CNTNAP2: variants seen among roughly 807,000 people sequenced by gnomAD.
CNTNAP2 encodes the protein contactin associated protein 2.
CNTNAP2 carries 98 observed loss-of-function variants against 155.2 expected under a neutral mutation model. The observed-to-expected ratio is 0.63, with a 90% CI of 0.54 to 0.75. The LOEUF (loss-of-function observed/expected upper bound fraction) is 0.75, where lower values mean the gene tolerates loss of function less well. Ranked by LOEUF, CNTNAP2 falls within the 30% of genes least tolerant of loss-of-function variation. CNTNAP2 has a pLI of 0.00. For missense variants in CNTNAP2, 1,727 were observed against 1,688.1 expected (o/e 1.02, Z -0.40); for synonymous variants, 651 against 631.2 (o/e 1.03, Z -0.47).
At chr7:146,895,678 T>C (rs1319117273) in intron 3 of CNTNAP2, among the ~76,000 whole-genome samples, 1 of 152,136 alleles carries the variant, frequency 6.6e-6, no homozygotes, top group Non-Finnish European at 1.5e-5. Context: ...TGATGGCTCT[T>C]AGACAATTAC....
At chr7:147,953,667 A>G (rs1800974187) in intron 14 of CNTNAP2, among the ~76,000 whole-genome samples, 1 of 152,192 alleles carries the variant, frequency 6.6e-6, no homozygotes, top group African/African-American at 2.4e-5. Context: ...AGTAGCCTAA[A>G]GCAACAAAAA....
chr7:146,252,796 C>T (rs1157956028), intron 1 of CNTNAP2, among the ~76,000 whole-genome samples: 4 of 152,110 alleles, frequency 2.6e-5, no homozygotes, highest in African/African-American at 4.8e-5. Flanking sequence ...AAAGTGTCAA[C>T]GGGATAGACA....
intron 14 of CNTNAP2, among the ~76,000 whole-genome samples, chr7:147,936,646 T>C (rs547966963): frequency 4.6e-5 from 7 of 152,312 alleles, no homozygotes; most frequent in Admixed American, 3.9e-4. Context: ...GTTTCTCCTT[T>C]TTCTCCTCTT....
At chr7:147,316,648 A>G (rs1379441908) in intron 9 of CNTNAP2, among the ~76,000 whole-genome samples, 3 of 152,176 alleles carry the variant, frequency 2.0e-5, no homozygotes, top group Non-Finnish European at 4.4e-5. Flanking sequence ...TTTGATTCAT[A>G]TACTTTTGAA....
At chr7:147,265,088 C>T (rs920287112) in intron 8 of CNTNAP2, among the ~76,000 whole-genome samples, 11 of 152,186 alleles carry the variant, frequency 7.2e-5, no homozygotes, top group African/African-American at 9.6e-5. Context: ...TTCAGAAGGA[C>T]TCCCAGGTAA....
rs577658150 is a variant in CNTNAP2, at chr7:148,209,574, C to A, written c.3011-7714C>A. On this transcript the variant is annotated intron_variant, in intron 18 of 23. Transcript: ENST00000361727. ...CACTCTTTCCTTCACCTTTTTAATT[C>A]CTAAACATCATCAGATTCTGTCCAC... Among the ~76,000 whole-genome samples, 16 of 152,280 alleles carry A rather than the reference C, an allele frequency of 1.1e-4. No individual in the cohort carries two copies. The South Asian group carries it at 3.1e-3, about 30-fold the overall frequency.
At chr7:147,790,384 G>A (rs1797801691) in intron 13 of CNTNAP2, among the ~76,000 whole-genome samples, 1 of 152,126 alleles carries the variant, frequency 6.6e-6, no homozygotes, top group African/African-American at 2.4e-5. Flanking sequence ...CCTGCATAGA[G>A]GAACAGAGTT....
At chr7:146,346,356 C>T (rs1252477716) in intron 1 of CNTNAP2, among the ~76,000 whole-genome samples, 1 of 152,188 alleles carries the variant, frequency 6.6e-6, no homozygotes, top group Non-Finnish European at 1.5e-5. Context: ...GTCAACTGTG[C>T]ATGCAAATGA....
chr7:147,080,679 C>T (rs1800105154), intron 4 of CNTNAP2, among the ~76,000 whole-genome samples: 1 of 146,680 alleles, frequency 6.8e-6, no homozygotes, highest in Admixed American at 6.8e-5. Flanking sequence ...ATATATATAA[C>T]ATATATATCT....
At chr7:147,567,507 A>T (rs1466921165) in intron 12 of CNTNAP2, among the ~76,000 whole-genome samples, 2 of 152,196 alleles carry the variant, frequency 1.3e-5, no homozygotes, top group African/African-American at 4.8e-5. Flanking sequence ...AAGCCCCCGT[A>T]GTAATGCAGA....
chr7:147,268,532 G>C (rs1584832314), intron 8 of CNTNAP2, among the ~76,000 whole-genome samples: 1 of 152,228 alleles, frequency 6.6e-6, no homozygotes, highest in East Asian at 1.9e-4. Context: ...GTAGGGGAGG[G>C]ATCGCGTAAG....
intron 12 of CNTNAP2, among the ~76,000 whole-genome samples, chr7:147,609,270 G>A (rs1055224670): frequency 3.3e-5 from 5 of 152,136 alleles, no homozygotes; most frequent in African/African-American, 9.7e-5. Context: ...GGTGGCTCAC[G>A]CCTGTAATCC....
chr7:147,624,752 T>C (rs899634133), intron 12 of CNTNAP2, among the ~76,000 whole-genome samples: 3 of 152,190 alleles, frequency 2.0e-5, no homozygotes, highest in African/African-American at 7.2e-5. Context: ...ATCCTACTGA[T>C]GGGTATATAC....
rs559014378 is a variant in CNTNAP2 at position 146,673,857 on chromosome 7, A to G, written c.98-100414A>G. On this transcript the variant is annotated intron_variant, in intron 1 of 23. Coordinates refer to ENST00000361727, the MANE Select transcript of CNTNAP2 (RefSeq NM_014141.6). ...CCCAGCCTCCCAAAGTGCTGGGGTT[A>G]TAGGCATGAGCCATTGCACCTGCTG... Among the ~76,000 whole-genome samples the G allele has an allele frequency of 3.9e-4, 59 of 152,304 alleles. No homozygotes were observed. The South Asian group carries it at 6.6e-3, about 17-fold the overall frequency.
chr7:147,963,727 A>G (rs1028012664), intron 14 of CNTNAP2, among the ~76,000 whole-genome samples: 4 of 152,094 alleles, frequency 2.6e-5, no homozygotes, highest in Non-Finnish European at 5.9e-5. Context: ...AAGCAATGAT[A>G]AGCCAACGAT....
intron 2 of CNTNAP2, among the ~76,000 whole-genome samples, chr7:146,809,619 C>A (rs1803029163): frequency 6.6e-6 from 1 of 151,824 alleles, no homozygotes; most frequent in Non-Finnish European, 1.5e-5. Context: ...CCGCCTCAGC[C>A]TCCCATGGTA....
intron 1 of CNTNAP2, among the ~76,000 whole-genome samples, chr7:146,247,477 C>T (rs893266847): frequency 1.3e-5 from 2 of 151,880 alleles, no homozygotes; most frequent in Admixed American, 6.6e-5. Context: ...AAAGACTCAG[C>T]GAAGCTTGGG....
chr7:146,235,130 T>C (rs114106091), intron 1 of CNTNAP2, among the ~76,000 whole-genome samples: 2,149 of 152,006 alleles, frequency 0.014, 47 homozygotes, highest in African/African-American at 0.047. Flanking sequence ...ACATAGAAAA[T>C]ACATCTTAAG....
chr7:148,310,390 A>C (rs1177107732), intron 21 of CNTNAP2, among the ~76,000 whole-genome samples: 1 of 152,244 alleles, frequency 6.6e-6, no homozygotes, highest in African/African-American at 2.4e-5. Context: ...TAAAGAGTCA[A>C]CTTGGGCCTG....
Sources: allele counts gnomAD v4.1 joint callset (sites outside exome capture counted in the v4.1 genomes callset), GRCh38; gene constraint gnomAD v4.1.1; transcripts MANE v1.5; gene names NCBI Gene and HGNC (gene_info 2026-07-23, HGNC 2026-07-21).